Variants in PUDP observed in about 807,000 individuals in gnomAD.
PUDP encodes pseudouridine-5'-phosphatase.
In PUDP, 8 loss-of-function variants were observed where a neutral mutation model predicts 9.4. The observed-to-expected ratio is 0.85, with a 90% confidence interval of 0.50 to 1.53. The LOEUF is 1.53. PUDP is among the 40% of genes most tolerant of loss of function. The pLI is 0.00. For synonymous variants in PUDP, 99 were observed against 80.7 expected (o/e 1.23, Z -1.22); for missense variants, 188 against 189.7 (o/e 0.99, Z 0.05).
At chrX:6,771,353 CA>C (rs1203649968) in intron 3 of PUDP, among the ~76,000 whole-genome samples, 35 of 112,235 alleles carry the variant, frequency 3.1e-4, no homozygotes, top group African/African-American at 1.1e-3. Flanking sequence ...AAGACTACCC[CA>C]AACACCACTG....
intron 3 of PUDP, among the ~76,000 whole-genome samples, chrX:6,738,658 A>C (rs1924901738): frequency 9.0e-6 from 1 of 111,271 alleles, no homozygotes; most frequent in African/African-American, 3.3e-5. Context: ...GGTTGCAATA[A>C]CCCAGTTAGC....
At chrX:6,854,484 T>C (rs943579359) in intron 3 of PUDP, among the ~76,000 whole-genome samples, 5 of 111,971 alleles carry the variant, frequency 4.5e-5, no homozygotes, top group South Asian at 3.7e-4. Flanking sequence ...CCCTTGAACA[T>C]TGCAGAGGTT....
chrX:6,964,027 G>A (rs893829206), intron 3 of PUDP, among the ~76,000 whole-genome samples: 1 of 112,045 alleles, frequency 8.9e-6, no homozygotes, highest in African/African-American at 3.2e-5. Context: ...GCATTAGCAC[G>A]CCTATTCAGG....
chrX:7,036,521 C>T (rs2146828770), intron 1 of PUDP, among the ~76,000 whole-genome samples: 1 of 110,800 alleles, frequency 9.0e-6, no homozygotes, highest in African/African-American at 3.3e-5. Context: ...GATCTCTTCC[C>T]TACCACCCCC....
intron 1 of PUDP, among the ~76,000 whole-genome samples, chrX:7,117,849 C>T (rs1484703328): frequency 8.8e-6 from 1 of 113,095 alleles, no homozygotes; most frequent in African/African-American, 3.2e-5. Context: ...TCCTGAGCCA[C>T]GCCCAGGGCC....
At chrX:6,853,369 A>G (rs1926856625) in intron 3 of PUDP, among the ~76,000 whole-genome samples, 1 of 110,311 alleles carries the variant, frequency 9.1e-6, no homozygotes, top group African/African-American at 3.3e-5. Context: ...ATTTCCTCCC[A>G]TAGCTCCCAA....
At chrX:7,102,711 C>T (rs778919336) in intron 2 of PUDP, among the ~76,000 whole-genome samples, 1 of 109,646 alleles carries the variant, frequency 9.1e-6, no homozygotes, top group Non-Finnish European at 1.9e-5. Flanking sequence ...AAAAAAAAAC[C>T]CAATTGTTAG....
downstream of PUDP, among the ~76,000 whole-genome samples, chrX:7,047,686 AATAGTTCT>A: frequency 8.9e-6 from 1 of 112,504 alleles, no homozygotes; most frequent in East Asian, 2.8e-4. Flanking sequence ...TTTAGAAGAT[AATAGTTCT>A]AGAGATTGCT....
chrX:7,057,254 G>T (rs893680955), intron 3 of PUDP, among the ~76,000 whole-genome samples: 1 of 111,946 alleles, frequency 8.9e-6, no homozygotes, highest in Admixed American at 9.4e-5. Flanking sequence ...GGGTGTCTTA[G>T]TCCCTTCAGG....
intron 3 of PUDP, among the ~76,000 whole-genome samples, chrX:7,054,184 G>A (rs1216274498): frequency 3.6e-5 from 4 of 111,612 alleles, no homozygotes; most frequent in African/African-American, 6.5e-5. Context: ...CGAGGTACGC[G>A]GATCACTTGA....
Position 7,050,257 on chromosome X carries a change from T to C in PUDP, c.*39A>G. ...CCCTTTCCCCCAGCAGTGTGGACCATGAGAGTGGGCTGGGGGCGGAAGACT... is the reference window on the plus strand; with the variant it reads ...CCCTTTCCCCCAGCAGTGTGGACCACGAGAGTGGGCTGGGGGCGGAAGACT... On this transcript the variant is annotated 3_prime_UTR_variant, in exon 4 of 4. Coordinates refer to ENST00000381077, the MANE Select transcript of PUDP (RefSeq NM_012080.5). 4.3e-6 allele frequency: 5 copies of C among 1,172,911 alleles called. No individual in the cohort carries two copies. The highest frequency in any genetic ancestry group is 1.8e-5 in the South Asian group (1 of 54,330).
intron 3 of PUDP, among the ~76,000 whole-genome samples, chrX:6,944,133 T>C (rs1057332873): frequency 9.0e-6 from 1 of 110,972 alleles, no homozygotes; most frequent in Admixed American, 9.6e-5. Flanking sequence ...GATTGGATCA[T>C]GGGGGTGGTT....
At chrX:7,058,696 TA>T (rs1179465923) in intron 3 of PUDP, among the ~76,000 whole-genome samples, 2 of 112,612 alleles carry the variant, frequency 1.8e-5, no homozygotes, top group Non-Finnish European at 3.7e-5. Flanking sequence ...GATGTTTGTT[TA>T]AACATGAAAC....
intron 3 of PUDP, among the ~76,000 whole-genome samples, chrX:6,760,171 A>G (rs1287732001): frequency 8.9e-6 from 1 of 112,208 alleles, no homozygotes; most frequent in African/African-American, 3.2e-5. Context: ...GTATGTATGA[A>G]GGGAGAGTGC....
intron 3 of PUDP, among the ~76,000 whole-genome samples, chrX:6,822,346 C>A (rs192848215): frequency 8.9e-6 from 1 of 112,419 alleles, no homozygotes; most frequent in South Asian, 3.7e-4. Flanking sequence ...CATGAGGTCA[C>A]AGCCTCTCGT....
intron 2 of PUDP, among the ~76,000 whole-genome samples, chrX:7,082,402 C>A (rs767570628): frequency 8.9e-6 from 1 of 112,421 alleles, no homozygotes; most frequent in Non-Finnish European, 1.9e-5. Context: ...CCATCAGAAC[C>A]CTACAAGCCT....
intron 1 of PUDP, among the ~76,000 whole-genome samples, chrX:7,039,976 T>C (rs1039354527): frequency 8.9e-6 from 1 of 112,163 alleles, no homozygotes; most frequent in African/African-American, 3.2e-5. Context: ...GGAGGAGGAA[T>C]ACTAACCATT....
intron 1 of PUDP, among the ~76,000 whole-genome samples, chrX:6,983,838 A>T (rs1468201523): frequency 8.9e-6 from 1 of 112,422 alleles, no homozygotes; most frequent in African/African-American, 3.2e-5. Flanking sequence ...ACTTTACTTC[A>T]TCCTCTTCAT....
At chrX:6,952,183 T>C (rs1928567675) in intron 3 of PUDP, among the ~76,000 whole-genome samples, 1 of 112,167 alleles carries the variant, frequency 8.9e-6, no homozygotes, top group East Asian at 2.8e-4. Flanking sequence ...ATTACATATA[T>C]TTGTACAGTC....
Sources: allele counts gnomAD v4.1 joint callset (sites outside exome capture counted in the v4.1 genomes callset), GRCh38; gene constraint gnomAD v4.1.1; transcripts MANE v1.5; gene names NCBI Gene and HGNC (gene_info 2026-07-23, HGNC 2026-07-21).